The following GRB14 variants were observed in gnomAD, a reference collection of about 807,000 sequenced individuals.
GRB14 encodes growth factor receptor-bound protein 14.
In GRB14, 38 loss-of-function variants were observed where a neutral mutation model predicts 69.1. The observed-to-expected ratio is 0.55, with a 90% confidence interval of 0.42 to 0.72. The LOEUF is 0.72. GRB14 is among the 30% of genes least tolerant of loss of function. The pLI is 0.00. For synonymous variants in GRB14, 247 were observed against 241.3 expected (o/e 1.02, Z -0.22); for missense variants, 666 against 666.1 (o/e 1.00, Z 0.00).
At chr2:164,606,110 A>G (rs878907775) in intron 2 of GRB14, among the ~76,000 whole-genome samples, 1 of 152,190 alleles carries the variant, frequency 6.6e-6, no homozygotes, top group African/African-American at 2.4e-5. Flanking sequence ...CATATTTTCA[A>G]TTAAAGTTAA....
At chr2:164,538,607 A>T (rs901374622) in intron 3 of GRB14, among the ~76,000 whole-genome samples, 1 of 152,198 alleles carries the variant, frequency 6.6e-6, no homozygotes, top group Admixed American at 6.5e-5. Context: ...AAATCAGGCC[A>T]TTCAGAGATT....
intron 2 of GRB14, among the ~76,000 whole-genome samples, chr2:164,594,432 T>C (rs1242239426): frequency 6.6e-6 from 1 of 152,236 alleles, no homozygotes; most frequent in Non-Finnish European, 1.5e-5. Flanking sequence ...TGTATATTAC[T>C]GATGAAGAAA....
intron 2 of GRB14, among the ~76,000 whole-genome samples, chr2:164,558,444 CAT>C (rs1332875110): frequency 3.9e-5 from 6 of 152,248 alleles, no homozygotes; most frequent in East Asian, 1.9e-4. Context: ...CACAGACACA[CAT>C]GTTAAGACCT....
chr2:164,573,027 T>A (rs1464438), intron 2 of GRB14, among the ~76,000 whole-genome samples: 2 of 152,250 alleles, frequency 1.3e-5, no homozygotes, highest in Middle Eastern at 3.4e-3. Flanking sequence ...ATTTATTCCA[T>A]CAAGCAGCCA....
intron 9 of GRB14, among the ~76,000 whole-genome samples, chr2:164,499,342 G>T (rs1023921002): frequency 6.6e-6 from 1 of 152,108 alleles, no homozygotes; most frequent in Non-Finnish European, 1.5e-5. Context: ...GTTTTCATTT[G>T]CTACATTAAC....
In GRB14 at chr2:164,518,716, A is replaced by C. The variant is rs1014676777; in HGVS notation, c.816+3264T>G. Among the ~76,000 whole-genome samples the C allele has an allele frequency of 7.2e-5, 11 of 152,096 alleles. 1 individual carries two copies. Among genetic ancestry groups the C allele is most frequent in the Admixed American group, 2.6e-4 (4 of 15,256 alleles). On this transcript the variant is annotated intron_variant, in intron 6 of 13. Transcript: ENST00000263915. ...ACAACCAATACCAGAGAAATACAAAAGATCATTCAAGGCTACTATGAACAC... is the reference window on the plus strand; with the variant it reads ...ACAACCAATACCAGAGAAATACAAACGATCATTCAAGGCTACTATGAACAC...
chr2:164,546,783 C>G lies in GRB14; in HGVS notation c.481+877G>C, dbSNP rs181230361. On this transcript the variant is annotated intron_variant, in intron 3 of 13. Transcript: ENST00000263915. ...GGACAGGCAGAGACATAAAAGGGGG[C>G]AGGACAACCATTCCCAGCCCCAGAA... 2.3e-3 allele frequency among the ~76,000 whole-genome samples: 357 copies of G among 152,214 alleles called. 2 individuals are homozygous for G. The highest frequency in any genetic ancestry group is 8.3e-3 in the African/African-American group (345 of 41,530).
At chr2:164,603,690 G>A (rs1055608822) in intron 2 of GRB14, among the ~76,000 whole-genome samples, 29 of 147,364 alleles carry the variant, frequency 2.0e-4, no homozygotes, top group African/African-American at 4.5e-4. Flanking sequence ...ATATTAACTC[G>A]ACGAAAAAAT....
chr2:164,613,384 C>G (rs1464765948), intron 2 of GRB14, among the ~76,000 whole-genome samples: 1 of 152,098 alleles, frequency 6.6e-6, no homozygotes, highest in East Asian at 1.9e-4. Context: ...GCAGACTGAA[C>G]AGTGGTCCAG....
chr2:164,584,682 A>G (rs1394900006), intron 2 of GRB14, among the ~76,000 whole-genome samples: 1 of 152,166 alleles, frequency 6.6e-6, no homozygotes, highest in East Asian at 1.9e-4. Context: ...CCACAAATCA[A>G]TGTCATTCTA....
intron 6 of GRB14, among the ~76,000 whole-genome samples, chr2:164,515,985 G>C (rs1019833474): frequency 6.6e-6 from 1 of 151,684 alleles, no homozygotes. Flanking sequence ...AGAACTCAAA[G>C]TCAAGGCTTT....
At chr2:164,493,221 A>G (rs776510364) in intron 13 of GRB14, 39 bp from the exon 14 acceptor site, 2 of 1,587,426 alleles carry the variant, frequency 1.3e-6, no homozygotes, top group Non-Finnish European at 1.7e-6. Context: ...AAGAGGATAA[A>G]TTACACAGAA....
chr2:164,599,590 A>C (rs1031174358), intron 2 of GRB14, among the ~76,000 whole-genome samples: 1 of 152,222 alleles, frequency 6.6e-6, no homozygotes, highest in Admixed American at 6.5e-5. Context: ...GCTCAAGTTT[A>C]TTTATTCTAC....
intron 8 of GRB14, 127 bp downstream of exon 8, chr2:164,508,328 T>C: frequency 1.5e-6 from 1 of 662,810 alleles, no homozygotes; most frequent in Non-Finnish European, 2.6e-6. Flanking sequence ...CATACACATT[T>C]GGTGGTTATT....
intron 8 of GRB14, among the ~76,000 whole-genome samples, chr2:164,507,931 C>T (rs181240662): frequency 3.9e-5 from 6 of 152,164 alleles, no homozygotes; most frequent in East Asian, 3.9e-4. Flanking sequence ...ATTATGCTTA[C>T]GGAAGTTGTA....
intron 6 of GRB14, among the ~76,000 whole-genome samples, chr2:164,514,355 C>T (rs573640964): frequency 6.6e-6 from 1 of 152,252 alleles, no homozygotes; most frequent in East Asian, 1.9e-4. Flanking sequence ...TCAGGGCCCC[C>T]AGAAGACAGC....
At chr2:164,499,440 G>A (rs766831956) in intron 9 of GRB14, among the ~76,000 whole-genome samples, 8 of 152,028 alleles carry the variant, frequency 5.3e-5, no homozygotes, top group Admixed American at 1.3e-4. Flanking sequence ...ACCATTGGTG[G>A]ACAAAAAAAT....
intron 9 of GRB14, 110 bp downstream of exon 9, chr2:164,502,145 T>A (rs7584035): frequency 0.12 from 72,554 of 583,596 alleles, 4,870 homozygotes; most frequent in Middle Eastern, 0.17. Flanking sequence ...AGAGTTACTT[T>A]ACCAACAGAA....
rs1358176925 is a variant in GRB14 at position 164,505,052 on chromosome 2, C to A, written c.1024-2717G>T. Among the ~76,000 whole-genome samples the A allele has an allele frequency of 2.0e-5, 3 of 152,214 alleles. No individual in the cohort carries two copies. In the East Asian group the frequency reaches 5.8e-4, roughly 29 times the overall value. ...CCTCTAGAGCCTTCAGTAAGAAATGCAGCTCTGCCAACACCTTGACTTAAT... is the reference window on the plus strand; with the variant it reads ...CCTCTAGAGCCTTCAGTAAGAAATGAAGCTCTGCCAACACCTTGACTTAAT... On this transcript the variant is annotated intron_variant, in intron 8 of 13. Transcript: ENST00000263915.
Sources: allele counts gnomAD v4.1 joint callset (sites outside exome capture counted in the v4.1 genomes callset), GRCh38; gene constraint gnomAD v4.1.1; transcripts MANE v1.5; gene names NCBI Gene and HGNC (gene_info 2026-07-23, HGNC 2026-07-21).